GRIN2A: variants seen among roughly 807,000 people sequenced by gnomAD.
GRIN2A encodes glutamate receptor ionotropic, NMDA 2A.
In GRIN2A, 22 loss-of-function variants were observed where a neutral mutation model predicts 113.4. The ratio of observed to expected loss-of-function variants is 0.19; its 90% CI spans 0.14 to 0.28. GRIN2A has a LOEUF of 0.28. GRIN2A is among the 10% of genes least tolerant of loss of function. The probability of loss-of-function intolerance (pLI) is 1.00; values close to 1 mark genes in which losing one functional copy is unlikely to be tolerated. For synonymous variants in GRIN2A, 827 were observed against 738.4 expected, an observed-to-expected ratio of 1.12 and a Z score of -1.94; for missense variants, 1,502 against 1,887.0, an observed-to-expected ratio of 0.80 and a Z score of 3.78.
At chr16:9,792,087 G>A (rs1902640693) in intron 11 of GRIN2A, among the ~76,000 whole-genome samples, 1 of 135,620 alleles carries the variant, frequency 7.4e-6, no homozygotes, top group Admixed American at 7.1e-5. Context: ...AATTGTGTGT[G>A]TGTGTGTGTG....
chr16:10,160,132 G>A (rs1031759649), intron 2 of GRIN2A, among the ~76,000 whole-genome samples: 6 of 152,194 alleles, frequency 3.9e-5, no homozygotes, highest in Admixed American at 3.9e-4. Context: ...CACCATGTTT[G>A]TGATGATAAT....
chr16:9,858,088 C>G (rs546013657), intron 4 of GRIN2A, among the ~76,000 whole-genome samples: 4 of 152,330 alleles, frequency 2.6e-5, no homozygotes, highest in African/African-American at 9.6e-5. Flanking sequence ...CACTGACTGG[C>G]TCAGGAATGT....
rs180698226 is a variant in GRIN2A at position 10,172,672 on chromosome 16, C to A, written c.414+7326G>T. Among the ~76,000 whole-genome samples, 7 of 152,300 alleles carry A rather than the reference C, an allele frequency of 4.6e-5. No individual in the cohort carries two copies. The East Asian group carries it at 1.2e-3, about 25-fold the overall frequency. ...AGCCAACTGTTGCCATAGGGGGAAT[C>A]GGGGCCAGTATGGCCAGGCCTTCTG... On this transcript the variant is annotated intron_variant, in intron 2 of 12. Transcript: ENST00000330684.
rs149566296 is a variant in GRIN2A, at chr16:9,783,608, C to T, written c.2357-14519G>A. Among the ~76,000 whole-genome samples, 32 of 152,210 alleles carry T rather than the reference C, an allele frequency of 2.1e-4. No individual in the cohort carries two copies. In the East Asian group the frequency reaches 5.4e-3, roughly 26 times the overall value. On this transcript the variant is annotated intron_variant, in intron 11 of 12. Transcript: ENST00000330684. ...CTTAGAAGTGCCAAACCATTTATGCCTCTAGTTTTCACAATCACCAAGGGC... is the reference window on the plus strand; with the variant it reads ...CTTAGAAGTGCCAAACCATTTATGCTTCTAGTTTTCACAATCACCAAGGGC...
chr16:9,860,461 A>AG (rs1411265433), intron 4 of GRIN2A, among the ~76,000 whole-genome samples: 3 of 99,754 alleles, frequency 3.0e-5, no homozygotes, highest in East Asian at 2.2e-4. Context: ...AAAAAAAAAA[A>AG]AAAAAAAAAG....
intron 10 of GRIN2A, among the ~76,000 whole-genome samples, chr16:9,814,467 C>CTAAT (rs1402265098): frequency 1.3e-5 from 2 of 152,184 alleles, no homozygotes; most frequent in African/African-American, 4.8e-5. Context: ...CTGTAGCTCA[C>CTAAT]TAATTGTCAG....
chr16:10,019,643 T>C (rs2046679960), intron 2 of GRIN2A, among the ~76,000 whole-genome samples: 1 of 152,242 alleles, frequency 6.6e-6, no homozygotes, highest in Non-Finnish European at 1.5e-5. Context: ...CCAATGCCTC[T>C]TTACTACTCA....
At chr16:10,134,820 A>G (rs1042791385) in intron 2 of GRIN2A, among the ~76,000 whole-genome samples, 6 of 152,070 alleles carry the variant, frequency 3.9e-5, no homozygotes, top group Non-Finnish European at 5.9e-5. Flanking sequence ...GATAATCCTA[A>G]TATCTATTCT....
At chr16:10,147,484 C>T (rs1038910954) in intron 2 of GRIN2A, among the ~76,000 whole-genome samples, 5 of 144,010 alleles carry the variant, frequency 3.5e-5, no homozygotes, top group African/African-American at 1.3e-4. Context: ...AAAAAATAGC[C>T]AGGCATGCAG....
At chr16:9,815,474 A>G (rs1334508072) in intron 10 of GRIN2A, among the ~76,000 whole-genome samples, 1 of 152,044 alleles carries the variant, frequency 6.6e-6, no homozygotes, top group African/African-American at 2.4e-5. Flanking sequence ...AAAGACTTGC[A>G]TATCCACCTC....
intron 2 of GRIN2A, among the ~76,000 whole-genome samples, chr16:10,059,394 T>C (rs1428396808): frequency 2.7e-5 from 4 of 150,160 alleles, no homozygotes; most frequent in Admixed American, 2.6e-4. Flanking sequence ...AAGAGAGTGG[T>C]GACTTGATCC....
At chr16:10,005,474 A>G (rs1253889927) in intron 2 of GRIN2A, among the ~76,000 whole-genome samples, 1 of 152,208 alleles carries the variant, frequency 6.6e-6, no homozygotes, top group Admixed American at 6.5e-5. Context: ...CACAAAACCA[A>G]ATTTTATAGG....
At chr16:9,788,511 G>T (rs1240159171) in intron 11 of GRIN2A, among the ~76,000 whole-genome samples, 4 of 151,826 alleles carry the variant, frequency 2.6e-5, no homozygotes, top group African/African-American at 4.8e-5. Context: ...ACCTACCTTG[G>T]CCTCCTAAAG....
intron 2 of GRIN2A, among the ~76,000 whole-genome samples, chr16:9,970,086 G>A (rs1439130442): frequency 6.6e-6 from 1 of 152,204 alleles, no homozygotes. Flanking sequence ...TCGAGTTCTT[G>A]TTCTGCACCA....
At position 10,132,188 on chromosome 16, in the gene GRIN2A, C is replaced by T. The variant is rs143090801; in HGVS notation, c.414+47810G>A. Among the ~76,000 whole-genome samples, 16 of 151,702 alleles carry T rather than the reference C, an allele frequency of 1.1e-4. No homozygotes were observed. In the East Asian group the frequency reaches 2.9e-3, roughly 28 times the overall value. On this transcript the variant is annotated intron_variant, in intron 2 of 12. Transcript: ENST00000330684. ...CTCTTCTAAAAATACAAAAATTAGC[C>T]GGGCGTGGTGGTGCATGCCTGTAAT...
At chr16:9,869,931 C>A (rs972135922) in intron 4 of GRIN2A, among the ~76,000 whole-genome samples, 27 of 152,158 alleles carry the variant, frequency 1.8e-4, no homozygotes, top group Non-Finnish European at 2.2e-4. Context: ...AGGACACTGG[C>A]ACAACTCCAG....
At chr16:9,970,064 G>T (rs1027222751) in intron 2 of GRIN2A, among the ~76,000 whole-genome samples, 1 of 152,204 alleles carries the variant, frequency 6.6e-6, no homozygotes, top group South Asian at 2.1e-4. Context: ...CAACCTTGAC[G>T]TCAAAGAAAT....
chr16:9,932,844 C>G (rs1390835593), intron 3 of GRIN2A, among the ~76,000 whole-genome samples: 1 of 152,178 alleles, frequency 6.6e-6, no homozygotes, highest in Non-Finnish European at 1.5e-5. Flanking sequence ...GGTCCGAAGT[C>G]TAAAAAAGTA....
intron 2 of GRIN2A, among the ~76,000 whole-genome samples, chr16:9,992,175 C>A (rs1362695844): frequency 2.0e-5 from 3 of 152,088 alleles, no homozygotes; most frequent in African/African-American, 7.2e-5. Context: ...ATGTTTATAT[C>A]ATTTTCTTTA....
Sources: gnomAD v4.1 joint callset for allele counts (sites outside exome capture counted in the v4.1 genomes callset) on GRCh38, gnomAD v4.1.1 for gene constraint, MANE v1.5 for transcripts, NCBI Gene and HGNC (gene_info 2026-07-23, HGNC 2026-07-21) for gene names.